Variants in NXPE1 observed in about 807,000 individuals in gnomAD.
NXPE1 encodes NXPE family member 1.
Under a neutral mutation model 33.3 loss-of-function variants are expected in NXPE1, and 31 were observed. The ratio of observed to expected loss-of-function variants is 0.93; its 90% confidence interval spans 0.70 to 1.26. NXPE1 has a LOEUF of 1.26. Among genes scored for constraint, NXPE1 ranks in the 50% most tolerant of loss-of-function variants. The pLI is 0.00. For synonymous variants in NXPE1, 229 were observed against 231.4 expected, an observed-to-expected ratio of 0.99 and a Z score of 0.09; for missense variants, 661 against 655.6, an observed-to-expected ratio of 1.01 and a Z score of -0.09.
chr11:114,551,227 C>G lies in NXPE1; in HGVS notation c.-10-16G>C. On this transcript the variant is annotated splice_polypyrimidine_tract_variant and intron_variant, in intron 4 of 8. Coordinates refer to ENST00000534921, the Ensembl canonical transcript of NXPE1. ...GACGAATGTCCTAGGAGAGATGACA[C>G]AAGAGAGGAGTCGTGAGAAGTGAAT... The G allele has an allele frequency of 6.8e-7, 1 of 1,468,690 alleles. No homozygotes were observed. The highest frequency in any genetic ancestry group is 9.2e-7 in the Non-Finnish European group (1 of 1,086,296). 91.0% of individuals were successfully genotyped at this position (1,468,690 alleles called of 1,614,324 possible). A position where few individuals can be genotyped will look rare whatever the true frequency, so the allele number is the denominator to read the frequency against.
intron 7 of NXPE1, among the ~76,000 whole-genome samples, chr11:114,525,006 C>T (rs1016824225): frequency 6.6e-5 from 10 of 152,016 alleles, no homozygotes; most frequent in South Asian, 2.1e-4. Flanking sequence ...AAATCTTGCC[C>T]GTAGGTCAAA....
At chr11:114,558,433 A>G (rs1948708320) in intron 1 of NXPE1, among the ~76,000 whole-genome samples, 1 of 152,086 alleles carries the variant, frequency 6.6e-6, no homozygotes, top group Non-Finnish European at 1.5e-5. Flanking sequence ...TGTGTAATTA[A>G]ATATATGATG....
exon 9 of NXPE1, chr11:114,521,735 T>A (rs77500902): frequency 0.023 from 10,271 of 441,874 alleles, 176 homozygotes; most frequent in Non-Finnish European, 0.032. Context: ...AAAACTTTTT[T>A]AATATTTTAA....
intron 7 of NXPE1, among the ~76,000 whole-genome samples, chr11:114,524,725 A>G (rs1051820934): frequency 3.3e-5 from 5 of 152,204 alleles, no homozygotes; most frequent in African/African-American, 1.2e-4. Context: ...GTATTGTTGT[A>G]AACCCTATGT....
chr11:114,548,324 G>A (rs927483741), intron 5 of NXPE1, among the ~76,000 whole-genome samples: 20 of 152,148 alleles, frequency 1.3e-4, no homozygotes, highest in African/African-American at 2.6e-4. Context: ...AAGACAGATC[G>A]TGTAGATATA....
intron 7 of NXPE1, among the ~76,000 whole-genome samples, chr11:114,525,235 A>G (rs962731129): frequency 1.3e-5 from 2 of 152,124 alleles, no homozygotes; most frequent in African/African-American, 2.4e-5. Flanking sequence ...AGCTTCCTCA[A>G]ACTTTGGGAG....
intron 1 of NXPE1, chr11:114,554,391 T>G (rs1948601234): frequency 2.0e-6 from 2 of 985,152 alleles, no homozygotes; most frequent in Non-Finnish European, 2.4e-6. Context: ...ACAGAGGTGA[T>G]GACAATATTC....
chr11:114,556,699 A>AT (rs914211566), intron 1 of NXPE1, among the ~76,000 whole-genome samples: 2 of 151,480 alleles, frequency 1.3e-5, no homozygotes, highest in Admixed American at 6.6e-5. Flanking sequence ...TTTAAAATGT[A>AT]TTTTTTTCCA....
chr11:114,522,892 G>A, exon 8 of NXPE1: 1 of 1,610,936 alleles, frequency 6.2e-7, no homozygotes, highest in Non-Finnish European at 8.5e-7. Flanking sequence ...TTACAACTTT[G>A]GGGAAGTAGT....
chr11:114,551,009 G>T, intron 5 of NXPE1, 94 bp downstream of exon 5: 1 of 658,278 alleles, frequency 1.5e-6, no homozygotes. Context: ...GGTGGGGGAG[G>T]AGGGGCAGGA....
At chr11:114,558,692 T>C (rs1948712658) in intron 1 of NXPE1, among the ~76,000 whole-genome samples, 1 of 152,192 alleles carries the variant, frequency 6.6e-6, no homozygotes, top group African/African-American at 2.4e-5. Context: ...GGTCACAATA[T>C]AGATTGGATC....
At chr11:114,553,623 G>A in intron 1 of NXPE1, 1 of 708,734 alleles carries the variant, frequency 1.4e-6, no homozygotes, top group Non-Finnish European at 1.7e-6. Context: ...ATAAGTAACT[G>A]CAAATCAGAC....
Position 114,522,371 on chromosome 11 carries a change from A to G in NXPE1, c.1241T>C (p.Ile414Thr), listed in dbSNP as rs142664800. 1.4e-3 allele frequency: 2,303 copies of G among 1,614,102 alleles called. 36 individuals are homozygous for G. Among genetic ancestry groups the G allele is most frequent in the Non-Finnish European group, 1.1e-4 (128 of 1,179,982 alleles). Residue 414 changes from isoleucine to threonine, a missense_variant, in exon 9 of 9, where the codon ATA becomes ACA. Transcript: ENST00000534921. Reference sequence around the variant, plus strand: ...TTCCCGAGGGATATAATCATGATCTATCAGAGAGTAGAGCTGGAAAGTGAC... The same window carrying G: ...TTCCCGAGGGATATAATCATGATCTGTCAGAGAGTAGAGCTGGAAAGTGAC...
chr11:114,525,787 G>T (rs143440393), intron 7 of NXPE1, among the ~76,000 whole-genome samples: 124 of 152,294 alleles, frequency 8.1e-4, no homozygotes, highest in Middle Eastern at 6.8e-3. Context: ...GTATATTCAA[G>T]CTAGCCAATA....
chr11:114,530,926 G>A lies in NXPE1; in HGVS notation c.100-18C>T, dbSNP rs566114437. On this transcript the variant is annotated intron_variant, in intron 5 of 8. Coordinates refer to ENST00000534921, the Ensembl canonical transcript of NXPE1. ...GACCAAAGCTGAAATGACAAGGATT[G>A]TGATATACTATGAAATTAACCTGTC... is the stretch of plus-strand genomic sequence containing the variant. 6.4e-7 allele frequency: 1 copy of A among 1,572,584 alleles called. No individual in the cohort carries two copies. The highest frequency in any genetic ancestry group is 2.2e-5 in the East Asian group (1 of 44,566).
chr11:114,528,647 T>C (rs755900013), intron 6 of NXPE1: 13 of 449,280 alleles, frequency 2.9e-5, no homozygotes, highest in Non-Finnish European at 4.4e-5. Context: ...TTTCCTCCAA[T>C]TGATGAAAGA....
intron 5 of NXPE1, among the ~76,000 whole-genome samples, chr11:114,531,627 AC>A (rs1947588435): frequency 6.6e-6 from 1 of 152,042 alleles, no homozygotes; most frequent in Non-Finnish European, 1.5e-5. Context: ...TTTCAACTCT[AC>A]TTCTTGCTAC....
chr11:114,522,244 A>G (rs1947233195), exon 9 of NXPE1: 1 of 1,613,976 alleles, frequency 6.2e-7, no homozygotes, highest in South Asian at 1.1e-5. Flanking sequence ...CCTTTTGAAC[A>G]CCGATGGCCC....
rs1947270549 is a variant in NXPE1 at position 114,523,232 on chromosome 11, CT to C, written c.896-142del. The stretch of plus-strand genomic sequence containing the variant: ...TTTTCTGTCCCTTTCTAGTCCTATT[CT>C]TTGATCATTAGCTTTGCTTCAGGCA... On this transcript the variant is annotated intron_variant, in intron 7 of 8. Coordinates refer to ENST00000534921, the Ensembl canonical transcript of NXPE1. The C allele has an allele frequency of 6.3e-6, 4 of 631,748 alleles. No homozygotes were observed. The South Asian group carries it at 8.1e-5, about 13-fold the overall frequency. 39.1% of individuals were successfully genotyped at this position (631,748 alleles called of 1,614,324 possible).
Sources: gnomAD v4.1 joint callset for allele counts (sites outside exome capture counted in the v4.1 genomes callset) on GRCh38, gnomAD v4.1.1 for gene constraint, MANE v1.5 for transcripts, NCBI Gene and HGNC (gene_info 2026-07-23, HGNC 2026-07-21) for gene names.